The following KIAA0586 variants were observed in gnomAD, a reference collection of about 807,000 sequenced individuals.
KIAA0586 encodes protein TALPID3.
In KIAA0586, 144 loss-of-function variants were observed where a neutral mutation model predicts 169.8. The observed-to-expected ratio is 0.85, with a 90% CI of 0.74 to 0.97. The LOEUF is 0.97. Among genes scored for constraint, KIAA0586 ranks in the 50% least tolerant of loss-of-function variants. The pLI, the probability that KIAA0586 is intolerant of heterozygous loss-of-function variation, is 0.00. For synonymous variants in KIAA0586, 625 were observed against 612.4 expected (o/e 1.02, Z -0.30); for missense variants, 1,854 against 1,823.0 (o/e 1.02, Z -0.31).
chr14:58,442,723 T>C lies in KIAA0586; in HGVS notation c.428T>C (p.Val143Ala). 1 of 1,572,642 alleles carries C rather than the reference T, an allele frequency of 6.4e-7. No individual in the cohort carries two copies. Among genetic ancestry groups the C allele is most frequent in the South Asian group, 1.2e-5 (1 of 85,790 alleles). ...VLKQKAQSMP[V>A]FKEVKVHLLE... ...ATTTATAGAGCTCAAAGCATGCCTG[T>C]TTTTAAGGAAGTAAAGGTACATCTG... The change falls in exon 5 of 31, where the codon GTT becomes GCT. Residue 143 changes from valine (V) to alanine (A), a missense_variant. Val to Ala is a moderately conservative substitution (Grantham distance 64, BLOSUM62 0). Transcript: ENST00000652326.
rs536061407 is a variant in KIAA0586 at position 58,521,864 on chromosome 14, G to A, written c.4429+9237G>A. On this transcript the variant is annotated intron_variant, in intron 29 of 30. Coordinates refer to ENST00000652326, the MANE Select transcript of KIAA0586 (RefSeq NM_001329943.3). ...GGGGTGCAGATGACTTTGCTGAGGA[G>A]GACCTACTAGATGATGATGACAATG... 26 of 1,101,262 alleles carry A rather than the reference G, an allele frequency of 2.4e-5. No individual in the cohort carries two copies. In the South Asian group the frequency reaches 2.7e-4, roughly 12 times the overall value. The allele number at this position is 1,101,262 out of a possible 1,614,324, so 68.2% of individuals were successfully genotyped here. A position where few individuals can be genotyped will look rare whatever the true frequency, so the allele number is the denominator to read the frequency against.
At position 58,459,977 on chromosome 14, in the gene KIAA0586, A is replaced by G. The variant is rs1202169940; in HGVS notation, c.1791A>G (p.Pro597=). Residue 597 remains proline (P), a synonymous_variant, in exon 13 of 31, where the codon CCA becomes CCG. Coordinates refer to ENST00000652326, the MANE Select transcript of KIAA0586 (RefSeq NM_001329943.3). ...QDKTVNKSVI[P]RKHSQKQIEE... ...AAACTGTCAACAAATCTGTAATTCCAAGAAAACATTCTCAAAAGCAAATAG... is the reference window on the plus strand; with the variant it reads ...AAACTGTCAACAAATCTGTAATTCCGAGAAAACATTCTCAAAAGCAAATAG... The G allele has an allele frequency of 2.0e-6, 3 of 1,534,658 alleles. No homozygotes were observed. Among genetic ancestry groups the G allele is most frequent in the Admixed American group, 3.9e-5 (2 of 50,994 alleles).
At chr14:58,555,496 T>G (rs1191331952), downstream of KIAA0586, among the ~76,000 whole-genome samples, 1 of 152,244 alleles carries the variant, frequency 6.6e-6, no homozygotes, top group Non-Finnish European at 1.5e-5. Context: ...GATAGTTGCA[T>G]AAAACCCATT....
intron 30 of KIAA0586, among the ~76,000 whole-genome samples, chr14:58,544,873 A>C (rs1234704722): frequency 6.6e-6 from 1 of 152,234 alleles, no homozygotes; most frequent in Non-Finnish European, 1.5e-5. Context: ...ATTTGATATC[A>C]GAATACTCAG....
At chr14:58,429,330 A>T in intron 1 of KIAA0586, 33 bp from the exon 2 acceptor site, 1 of 1,316,632 alleles carries the variant, frequency 7.6e-7, no homozygotes, top group Non-Finnish European at 1.1e-6. Context: ...TCTGATTTTA[A>T]AATCACTAAA....
chr14:58,470,791 A>G (rs1484799765), intron 17 of KIAA0586, 68 bp downstream of exon 17: 5 of 726,388 alleles, frequency 6.9e-6, no homozygotes, highest in Non-Finnish European at 1.2e-5. Context: ...TAATTACTCC[A>G]TTTAAAGCCT....
rs554171035 is a variant in KIAA0586, at chr14:58,454,210, T to A, written c.1253+737T>A. Among the ~76,000 whole-genome samples the A allele has an allele frequency of 9.2e-5, 14 of 152,318 alleles. No homozygotes were observed. The South Asian group carries it at 2.9e-3, about 32-fold the overall frequency. ...ATTTTTTGAGTTATTTTCTTCGTGG[T>A]CACTCCAGGAATTACAATTAACATA... On this transcript the variant is annotated intron_variant, in intron 9 of 30. Coordinates refer to ENST00000652326, the MANE Select transcript of KIAA0586 (RefSeq NM_001329943.3).
chr14:58,444,915 G>GAA (rs869127762), intron 6 of KIAA0586, among the ~76,000 whole-genome samples: 1 of 111,952 alleles, frequency 8.9e-6, no homozygotes, highest in African/African-American at 3.6e-5. Context: ...CATCTCTTAG[G>GAA]AAAAAAAAAA....
At chr14:58,559,706 G>C in the KIAA0586 span, among the ~76,000 whole-genome samples, 1 of 152,180 alleles carries the variant, frequency 6.6e-6, no homozygotes, top group African/African-American at 2.4e-5. Flanking sequence ...AGTAACAAGA[G>C]AGGAGCAGAA....
At chr14:58,515,935 A>T (rs569430737) in intron 29 of KIAA0586, among the ~76,000 whole-genome samples, 1 of 151,920 alleles carries the variant, frequency 6.6e-6, no homozygotes. Context: ...TCTTGAACCC[A>T]TCAGAGAGCT....
intron 8 of KIAA0586, 118 bp from the exon 9 acceptor site, chr14:58,453,232 T>C: frequency 1.9e-6 from 1 of 540,116 alleles, no homozygotes; most frequent in East Asian, 4.4e-5. Context: ...AGGCTATAAA[T>C]TGAGTAGATA....
intron 29 of KIAA0586, chr14:58,521,411 C>T (rs2045216195): frequency 1.2e-6 from 1 of 828,178 alleles, no homozygotes; most frequent in South Asian, 1.3e-5. Context: ...AGAGAAATGC[C>T]CGGGCCGCTG....
At chr14:58,514,932 A>C (rs1427096862) in intron 29 of KIAA0586, among the ~76,000 whole-genome samples, 7 of 152,118 alleles carry the variant, frequency 4.6e-5, no homozygotes, top group Non-Finnish European at 8.8e-5. Flanking sequence ...TTTCATCAAT[A>C]CAAATAAGAG....
intron 26 of KIAA0586, among the ~76,000 whole-genome samples, chr14:58,495,100 T>G (rs1276886287): frequency 6.6e-6 from 1 of 152,130 alleles, no homozygotes; most frequent in African/African-American, 2.4e-5. Context: ...ATGGGTTCTT[T>G]TTCACCTCTG....
At chr14:58,561,218 C>T in the KIAA0586 span, among the ~76,000 whole-genome samples, 2 of 152,144 alleles carry the variant, frequency 1.3e-5, no homozygotes, top group Admixed American at 6.5e-5. Context: ...AGATTTTTCT[C>T]TTCTGAAGCA....
intron 24 of KIAA0586, among the ~76,000 whole-genome samples, chr14:58,489,393 T>C (rs1412794225): frequency 6.6e-6 from 1 of 151,992 alleles, no homozygotes; most frequent in African/African-American, 2.4e-5. Flanking sequence ...CTAACTTTTA[T>C]ATTTTTTGTA....
intron 26 of KIAA0586, among the ~76,000 whole-genome samples, chr14:58,492,918 G>A (rs1691339362): frequency 6.6e-6 from 1 of 152,202 alleles, no homozygotes; most frequent in South Asian, 2.1e-4. Context: ...AACTTTAGAT[G>A]AAGAATCAGA....
chr14:58,427,566 G>A, upstream of KIAA0586: 1 of 1,532,942 alleles, frequency 6.5e-7, no homozygotes, highest in South Asian at 1.2e-5. Context: ...TGTTATGTCC[G>A]GAGTTTGTTT....
At chr14:58,545,069 A>T (rs2046897439) in intron 30 of KIAA0586, among the ~76,000 whole-genome samples, 1 of 152,154 alleles carries the variant, frequency 6.6e-6, no homozygotes, top group Non-Finnish European at 1.5e-5. Flanking sequence ...TGTCTTCTTC[A>T]TCTGCATATG....
Sources: allele counts gnomAD v4.1 joint callset (sites outside exome capture counted in the v4.1 genomes callset), GRCh38; gene constraint gnomAD v4.1.1; transcripts MANE v1.5; gene names NCBI Gene and HGNC (gene_info 2026-07-23, HGNC 2026-07-21).